Variants in ANO6 observed in about 807,000 individuals in gnomAD.
ANO6 encodes anoctamin 6.
ANO6 carries 106 observed loss-of-function variants against 117.5 expected under a neutral mutation model. The observed-to-expected ratio is 0.90, with a 90% CI of 0.77 to 1.06. ANO6 has a LOEUF of 1.06. Ranked by LOEUF, ANO6 falls within the 50% of genes least tolerant of loss-of-function variation. The pLI, the probability that ANO6 is intolerant of heterozygous loss-of-function variation, is 0.00. For missense variants in ANO6, 955 were observed against 1,121.1 expected (o/e 0.85, Z 2.12); for synonymous variants, 367 against 385.1 (o/e 0.95, Z 0.55).
At chr12:45,244,027 G>A (rs978557255) in intron 1 of ANO6, among the ~76,000 whole-genome samples, 6 of 152,150 alleles carry the variant, frequency 3.9e-5, no homozygotes, top group East Asian at 3.9e-4. Flanking sequence ...GCTGTTTACC[G>A]TGTTTTATAG....
intron 1 of ANO6, among the ~76,000 whole-genome samples, chr12:45,251,020 C>A (rs1947893549): frequency 6.6e-6 from 1 of 151,622 alleles, no homozygotes; most frequent in African/African-American, 2.4e-5. Flanking sequence ...CCACAGTGAG[C>A]CCTGACAGCG....
intron 7 of ANO6, among the ~76,000 whole-genome samples, chr12:45,352,827 G>A (rs917387160): frequency 6.6e-6 from 1 of 152,048 alleles, no homozygotes; most frequent in African/African-American, 2.4e-5. Flanking sequence ...TTCAAAGCAG[G>A]ATCCAAACAT....
At chr12:45,439,698 G>C (rs1943748956) in exon 20 of ANO6, 1 of 1,495,198 alleles carries the variant, frequency 6.7e-7, no homozygotes, top group Non-Finnish European at 8.9e-7. Flanking sequence ...TGCCCAGGCT[G>C]GGACACAGTG....
At chr12:45,411,926 G>C (rs1300057092) in intron 16 of ANO6, among the ~76,000 whole-genome samples, 1 of 151,990 alleles carries the variant, frequency 6.6e-6, no homozygotes, top group African/African-American at 2.4e-5. Context: ...CCAGTGCCTG[G>C]AACCTTATAC....
intron 16 of ANO6, among the ~76,000 whole-genome samples, chr12:45,411,683 T>G (rs1943089595): frequency 6.6e-6 from 1 of 152,208 alleles, no homozygotes; most frequent in South Asian, 2.1e-4. Context: ...AAAGCAAGCC[T>G]CCAGGCTTGC....
chr12:45,368,380 A>G (rs557680253), intron 9 of ANO6, among the ~76,000 whole-genome samples: 2 of 152,350 alleles, frequency 1.3e-5, no homozygotes, highest in African/African-American at 4.8e-5. Context: ...CCCTTTCAAC[A>G]TATGCCAAAA....
intron 9 of ANO6, among the ~76,000 whole-genome samples, chr12:45,372,274 T>C (rs1941864900): frequency 7.0e-6 from 1 of 142,246 alleles, no homozygotes; most frequent in Admixed American, 7.1e-5. Context: ...GGAACCAAGT[T>C]GGAAAACACT....
chr12:45,218,774 AC>A (rs1947353643), intron 1 of ANO6, among the ~76,000 whole-genome samples: 1 of 151,970 alleles, frequency 6.6e-6, no homozygotes, highest in African/African-American at 2.4e-5. Context: ...GATAATTTTA[AC>A]CTCTGCCTTT....
intron 2 of ANO6, among the ~76,000 whole-genome samples, chr12:45,327,579 GT>G (rs1940512893): frequency 6.6e-6 from 1 of 152,116 alleles, no homozygotes; most frequent in African/African-American, 2.4e-5. Flanking sequence ...TATTACACAT[GT>G]TGTAAAGCTT....
Position 45,429,837 on chromosome 12 carries a change from A to G in ANO6, c.*526A>G, listed in dbSNP as rs921390274. The G allele has an allele frequency of 4.0e-6, 4 of 990,684 alleles. No homozygotes were observed. The African/African-American group carries it at 5.2e-5, about 13-fold the overall frequency. The allele number at this position is 990,684 out of a possible 1,614,324, so 61.4% of individuals were successfully genotyped here. ...TTCACAATATTTAGGTGTATTTTCA[A>G]TACCTCCAGAAAGGAAACCTCAGTT... On this transcript the variant is annotated 3_prime_UTR_variant, in exon 20 of 20. Transcript: ENST00000320560.
intron 2 of ANO6, among the ~76,000 whole-genome samples, chr12:45,320,664 TG>T (rs1940230848): frequency 6.6e-6 from 1 of 152,178 alleles, no homozygotes; most frequent in Non-Finnish European, 1.5e-5. Flanking sequence ...ATTCAGTTCC[TG>T]GATATCCTTG....
chr12:45,324,547 A>T (rs1592967642), intron 2 of ANO6, among the ~76,000 whole-genome samples: 2 of 152,240 alleles, frequency 1.3e-5, no homozygotes, highest in South Asian at 2.1e-4. Context: ...TTGACTAGGG[A>T]ATTACAGATT....
chr12:45,414,359 A>T (rs1457247145), intron 16 of ANO6, among the ~76,000 whole-genome samples: 1 of 152,126 alleles, frequency 6.6e-6, no homozygotes, highest in Admixed American at 6.6e-5. Context: ...TATCAGAACA[A>T]ATTATATGGG....
intron 1 of ANO6, among the ~76,000 whole-genome samples, chr12:45,254,516 G>A (rs1157676075): frequency 6.6e-6 from 1 of 152,160 alleles, no homozygotes; most frequent in Admixed American, 6.5e-5. Context: ...TGTTGAAGGC[G>A]TCATAGATAC....
chr12:45,262,948 T>C (rs1174188770), intron 1 of ANO6, among the ~76,000 whole-genome samples: 1 of 152,118 alleles, frequency 6.6e-6, no homozygotes, highest in Non-Finnish European at 1.5e-5. Context: ...AAATGGCCAA[T>C]TAGTAGGCAG....
At chr12:45,270,571 T>C in intron 1 of ANO6, 1 of 621,642 alleles carries the variant, frequency 1.6e-6, no homozygotes, top group Non-Finnish European at 2.6e-6. Flanking sequence ...TCCTTCTTTT[T>C]CCCCTCCGAC....
intron 9 of ANO6, among the ~76,000 whole-genome samples, chr12:45,374,067 A>G (rs1347637807): frequency 2.0e-5 from 3 of 151,736 alleles, no homozygotes; most frequent in Admixed American, 2.0e-4. Context: ...AGAGAATACT[A>G]CAAACACCTC....
chr12:45,344,918 G>T (rs1436489095), intron 3 of ANO6, among the ~76,000 whole-genome samples: 1 of 152,182 alleles, frequency 6.6e-6, no homozygotes, highest in African/African-American at 2.4e-5. Context: ...TTCTCAGGAT[G>T]AATTGCGGAG....
chr12:45,392,852 T>G (rs1942492329), intron 12 of ANO6, among the ~76,000 whole-genome samples: 1 of 152,014 alleles, frequency 6.6e-6, no homozygotes, highest in African/African-American at 2.4e-5. Context: ...GTCACCAACA[T>G]CAAAGACCAA....
Sources: gnomAD v4.1 joint callset for allele counts (sites outside exome capture counted in the v4.1 genomes callset) on GRCh38, gnomAD v4.1.1 for gene constraint, MANE v1.5 for transcripts, NCBI Gene and HGNC (gene_info 2026-07-23, HGNC 2026-07-21) for gene names.